Variants in PDK1 observed in about 807,000 individuals in gnomAD.
The protein encoded by PDK1 is [Pyruvate dehydrogenase (acetyl-transferring)] kinase isozyme 1, mitochondrial.
In PDK1, 39 loss-of-function variants were observed where a neutral mutation model predicts 54.2. The ratio of observed to expected loss-of-function variants is 0.72; its 90% confidence interval spans 0.56 to 0.94. PDK1 has a LOEUF of 0.94. PDK1 is among the 40% of genes least tolerant of loss of function. The pLI, the probability that PDK1 is intolerant of heterozygous loss-of-function variation, is 0.00. For synonymous variants in PDK1, 221 were observed against 207.1 expected (o/e 1.07, Z -0.58); for missense variants, 552 against 566.0 (o/e 0.98, Z 0.25).
At chr2:172,684,407 G>C in the PDK1 span, among the ~76,000 whole-genome samples, 2 of 152,118 alleles carry the variant, frequency 1.3e-5, no homozygotes, top group African/African-American at 4.8e-5. Flanking sequence ...GGGCAACAGA[G>C]TGAGACCCCA....
chr2:172,611,897 A>G (rs1691475072), downstream of PDK1, among the ~76,000 whole-genome samples: 1 of 152,260 alleles, frequency 6.6e-6, no homozygotes. Flanking sequence ...GACTGCCCTC[A>G]GGCACCTTTT....
chr2:172,663,628 G>C, the PDK1 span, among the ~76,000 whole-genome samples: 5 of 152,154 alleles, frequency 3.3e-5, no homozygotes, highest in Admixed American at 2.6e-4. Context: ...CAACCAGCCT[G>C]CCCACTGAGG....
At chr2:172,720,661 G>C in the PDK1 span, among the ~76,000 whole-genome samples, 1,094 of 152,272 alleles carry the variant, frequency 7.2e-3, 8 homozygotes, top group African/African-American at 0.025. Context: ...ACTTCTATTA[G>C]TAATGGTGTA....
chr2:172,597,990 G>T lies in PDK1; in HGVS notation c.*2021G>T, dbSNP rs74618354. On this transcript the variant is annotated 3_prime_UTR_variant, in exon 11 of 11. Transcript: ENST00000282077. The stretch of plus-strand genomic sequence containing the variant: ...TCCTGATTCAGAGGAGGCATCCTTT[G>T]CCCAGAGCTGCTTAGCTAATCTGAC... The T allele has an allele frequency of 1.3e-5, 2 of 152,282 alleles. No individual in the cohort carries two copies. Among genetic ancestry groups the T allele is most frequent in the East Asian group, 3.9e-4 (2 of 5,186 alleles). 9.4% of individuals were successfully genotyped at this position (152,282 alleles called of 1,614,324 possible). A position where few individuals can be genotyped will look rare whatever the true frequency, so the allele number is the denominator to read the frequency against.
chr2:172,654,436 A>AG, the PDK1 span, among the ~76,000 whole-genome samples: 2 of 152,206 alleles, frequency 1.3e-5, no homozygotes, highest in African/African-American at 4.8e-5. Context: ...AGCATTAAAA[A>AG]AGGATGAGTT....
chr2:172,622,102 TATATTATGTGAGATATGTTTATATCTC>T, the PDK1 span, among the ~76,000 whole-genome samples: 1,232 of 133,746 alleles, frequency 9.2e-3, 12 homozygotes, highest in African/African-American at 0.016. Context: ...TTATATCTCA[TATATTATGTGAGATATGTTTATATCTC>T]ATATTATGTG....
the PDK1 span, among the ~76,000 whole-genome samples, chr2:172,632,270 T>TA: frequency 2.6e-4 from 39 of 149,840 alleles, no homozygotes; most frequent in South Asian, 8.0e-3. Context: ...AGACTCTGTC[T>TA]AAAAAAAATT....
rs565325035 is a variant in PDK1, at chr2:172,564,111, A to G, written c.411-392A>G. The G allele has an allele frequency of 1.9e-5, 9 of 473,796 alleles. No individual in the cohort carries two copies. The East Asian group carries it at 6.2e-4, about 33-fold the overall frequency. 29.3% of individuals were successfully genotyped at this position (473,796 alleles called of 1,614,324 possible). ...CATTCATCTTGATTCCTTGCAGAGCAGAGCAGGTGTTCTCTAGAGGCAAGT... is the reference window on the plus strand; with the variant it reads ...CATTCATCTTGATTCCTTGCAGAGCGGAGCAGGTGTTCTCTAGAGGCAAGT... On this transcript the variant is annotated intron_variant, in intron 3 of 10. Transcript: ENST00000282077.
At chr2:172,706,130 T>A in the PDK1 span, among the ~76,000 whole-genome samples, 28 of 152,244 alleles carry the variant, frequency 1.8e-4, no homozygotes, top group Non-Finnish European at 5.9e-5. Context: ...CTTGGTAATA[T>A]CCACACCCTT....
chr2:172,668,906 T>TATAGAGAG, the PDK1 span, among the ~76,000 whole-genome samples: 2 of 130,650 alleles, frequency 1.5e-5, no homozygotes, highest in East Asian at 2.3e-4. Flanking sequence ...TATATATATA[T>TATAGAGAG]AGAGAGAGAG....
In PDK1 at chr2:172,607,694, G is replaced by C. The variant is rs1263302323; in HGVS notation, c.*11725G>C. 1 of 152,296 alleles carries C rather than the reference G, an allele frequency of 6.6e-6. No homozygotes were observed. Among genetic ancestry groups the C allele is most frequent in the East Asian group, 1.9e-4 (1 of 5,196 alleles). The allele number at this position is 152,296 out of a possible 1,614,324, so 9.4% of individuals were successfully genotyped here. A position where few individuals can be genotyped will look rare whatever the true frequency, so the allele number is the denominator to read the frequency against. On this transcript the variant is annotated 3_prime_UTR_variant, in exon 11 of 11. Coordinates refer to ENST00000282077, the MANE Select transcript of PDK1 (RefSeq NM_002610.5). ...CAGAGTGGAGGCTGACCCTGTATCTGGTTGTAGCAGAGTCGGTCCTAGGGG... is the reference window on the plus strand; with the variant it reads ...CAGAGTGGAGGCTGACCCTGTATCTCGTTGTAGCAGAGTCGGTCCTAGGGG...
At chr2:172,706,380 A>G in the PDK1 span, among the ~76,000 whole-genome samples, 4 of 151,242 alleles carry the variant, frequency 2.6e-5, no homozygotes, top group African/African-American at 7.3e-5. Flanking sequence ...GACAATTCCA[A>G]CATCTCTGTC....
the PDK1 span, among the ~76,000 whole-genome samples, chr2:172,665,559 G>C: frequency 6.6e-6 from 1 of 152,244 alleles, no homozygotes; most frequent in Non-Finnish European, 1.5e-5. Context: ...GAGGCAGGTG[G>C]CTATGCTGTT....
chr2:172,702,475 TAAAA>T, the PDK1 span, among the ~76,000 whole-genome samples: 2 of 141,224 alleles, frequency 1.4e-5, no homozygotes, highest in Non-Finnish European at 1.6e-5. Flanking sequence ...AGACTTTGTT[TAAAA>T]AAAAAAAAAA....
At chr2:172,611,551 C>G (rs1289845519), downstream of PDK1, among the ~76,000 whole-genome samples, 1 of 152,072 alleles carries the variant, frequency 6.6e-6, no homozygotes, top group African/African-American at 2.4e-5. Flanking sequence ...GAAACACTTC[C>G]CAACTCATAA....
intron 2 of PDK1, among the ~76,000 whole-genome samples, chr2:172,561,386 C>A (rs956114648): frequency 6.6e-6 from 1 of 152,214 alleles, no homozygotes. Context: ...TCAGAAACAG[C>A]TTTCCAAACC....
At chr2:172,594,285 A>G (rs28700142) in intron 10 of PDK1, among the ~76,000 whole-genome samples, 6,772 of 152,232 alleles carry the variant, frequency 0.044, 228 homozygotes, top group South Asian at 0.096. Flanking sequence ...TTGGCCTCCC[A>G]AAGTGCTGGG....
the PDK1 span, among the ~76,000 whole-genome samples, chr2:172,641,037 TTCTG>T: frequency 1.3e-5 from 2 of 149,784 alleles, no homozygotes; most frequent in African/African-American, 2.5e-5. Flanking sequence ...TTCTTTCTCT[TTCTG>T]TCTCTCTCTT....
intron 3 of PDK1, among the ~76,000 whole-genome samples, chr2:172,563,676 A>G (rs903600727): frequency 6.6e-6 from 1 of 152,190 alleles, no homozygotes. Context: ...TCTACTAAAA[A>G]TACAAAATTA....
Sources: allele counts gnomAD v4.1 joint callset (sites outside exome capture counted in the v4.1 genomes callset), GRCh38; gene constraint gnomAD v4.1.1; transcripts MANE v1.5; gene names NCBI Gene and HGNC (gene_info 2026-07-23, HGNC 2026-07-21).